DAB1: variants seen among roughly 807,000 people sequenced by gnomAD.
DAB1 encodes the protein disabled homolog 1.
DAB1 carries 15 observed loss-of-function variants against 64.6 expected under a neutral mutation model. The observed-to-expected ratio is 0.23, with a 90% CI of 0.16 to 0.36. The LOEUF (loss-of-function observed/expected upper bound fraction) is 0.36, where lower values mean the gene tolerates loss of function less well. DAB1 is among the 10% of genes least tolerant of loss of function. The probability of loss-of-function intolerance (pLI) is 1.00; values close to 1 mark genes in which losing one functional copy is unlikely to be tolerated. For missense variants in DAB1, 596 were observed against 706.7 expected (o/e 0.84, Z 1.78); for synonymous variants, 235 against 251.9 (o/e 0.93, Z 0.64).
intron 4 of DAB1, among the ~76,000 whole-genome samples, chr1:57,083,641 C>G (rs2100635264): frequency 1.3e-5 from 2 of 152,168 alleles, no homozygotes; most frequent in Admixed American, 1.3e-4. Flanking sequence ...CAGAAACTTA[C>G]AAAAAAGTGA....
intron 5 of DAB1, among the ~76,000 whole-genome samples, chr1:58,072,736 C>T (rs908627756): frequency 2.0e-5 from 3 of 152,210 alleles, no homozygotes; most frequent in Non-Finnish European, 4.4e-5. Flanking sequence ...GCAGCTTAAG[C>T]GATCAATTTA....
At chr1:57,100,897 TA>T (rs1437619300) in intron 4 of DAB1, among the ~76,000 whole-genome samples, 3 of 152,128 alleles carry the variant, frequency 2.0e-5, no homozygotes, top group African/African-American at 7.2e-5. Context: ...TCATGAATAA[TA>T]ATAATATTAA....
intron 2 of DAB1, among the ~76,000 whole-genome samples, chr1:57,231,165 C>T (rs1489993712): frequency 6.6e-6 from 1 of 152,036 alleles, no homozygotes; most frequent in East Asian, 1.9e-4. Flanking sequence ...ATTATAAAAG[C>T]GAAGCCCACA....
At chr1:58,195,220 A>G (rs1480293157) in intron 4 of DAB1, among the ~76,000 whole-genome samples, 1 of 152,212 alleles carries the variant, frequency 6.6e-6, no homozygotes, top group East Asian at 1.9e-4. Flanking sequence ...TGTTCCAAGT[A>G]AGATGGCTGC....
At chr1:57,195,324 A>G (rs1465205251) in intron 2 of DAB1, among the ~76,000 whole-genome samples, 1 of 152,208 alleles carries the variant, frequency 6.6e-6, no homozygotes, top group Non-Finnish European at 1.5e-5. Context: ...GTTCAATACT[A>G]AAGAGGACAT....
At chr1:57,520,339 A>G (rs1466394579) in intron 7 of DAB1, among the ~76,000 whole-genome samples, 3 of 152,170 alleles carry the variant, frequency 2.0e-5, no homozygotes, top group Admixed American at 6.5e-5. Flanking sequence ...ACCAGTTTCT[A>G]TTCTGATATG....
At chr1:57,598,172 C>T (rs189527320) in intron 7 of DAB1, among the ~76,000 whole-genome samples, 5 of 152,206 alleles carry the variant, frequency 3.3e-5, no homozygotes, top group African/African-American at 7.2e-5. Context: ...TTAGTAAAGA[C>T]GAGGTTTCAC....
chr1:58,261,091 T>C (rs1388484815), intron 4 of DAB1, among the ~76,000 whole-genome samples: 2 of 152,214 alleles, frequency 1.3e-5, no homozygotes, highest in Admixed American at 1.3e-4. Flanking sequence ...GGTAGATATT[T>C]GTGGGTATTT....
At chr1:57,931,213 G>A (rs113403464) in intron 5 of DAB1, among the ~76,000 whole-genome samples, 30 of 152,216 alleles carry the variant, frequency 2.0e-4, no homozygotes, top group African/African-American at 6.7e-4. Flanking sequence ...ACTTGATTGC[G>A]GTGTGTGATT....
chr1:58,257,385 C>G (rs935397604), intron 4 of DAB1, among the ~76,000 whole-genome samples: 4 of 152,204 alleles, frequency 2.6e-5, no homozygotes, highest in East Asian at 1.9e-4. Flanking sequence ...AAAATCCAGC[C>G]TGCTCTCCAA....
At chr1:58,515,987 T>A (rs1463508873) in intron 2 of DAB1, among the ~76,000 whole-genome samples, 1 of 152,206 alleles carries the variant, frequency 6.6e-6, no homozygotes, top group Non-Finnish European at 1.5e-5. Context: ...CCTAATGCCC[T>A]CACTAGATGG....
rs577870976 is a variant in DAB1 at position 58,402,340 on chromosome 1, G to T, written n.258-58937C>A. Among the ~76,000 whole-genome samples the T allele has an allele frequency of 1.1e-4, 16 of 152,210 alleles. No individual in the cohort carries two copies. The South Asian group carries it at 3.3e-3, about 32-fold the overall frequency. On this transcript the variant is annotated intron_variant and non_coding_transcript_variant, in intron 3 of 20. Transcript: ENST00000485760. ...CCCCTCTCCCAACACCCCCTTACCC[G>T]CAAGAAACGTGTAACTAGCAGGGTA...
chr1:57,636,417 A>G (rs1008580449), intron 7 of DAB1, among the ~76,000 whole-genome samples: 2 of 152,218 alleles, frequency 1.3e-5, no homozygotes, highest in Non-Finnish European at 2.9e-5. Flanking sequence ...ATGGGTTGTC[A>G]TTAGAGGGCT....
At chr1:57,310,736 A>G (rs2656094) in intron 1 of DAB1, among the ~76,000 whole-genome samples, 61,520 of 152,128 alleles carry the variant, frequency 0.4, 12,870 homozygotes, top group Admixed American at 0.55. Context: ...TCAAAATGCT[A>G]CTGTCATTTC....
intron 1 of DAB1, among the ~76,000 whole-genome samples, chr1:57,370,903 T>C (rs1680443387): frequency 2.0e-5 from 3 of 152,202 alleles, no homozygotes; most frequent in South Asian, 2.1e-4. Context: ...TTCAAATACT[T>C]TTCAATAACA....
chr1:58,484,369 G>C (rs933786379), intron 3 of DAB1, among the ~76,000 whole-genome samples: 1 of 152,194 alleles, frequency 6.6e-6, no homozygotes, highest in Non-Finnish European at 1.5e-5. Flanking sequence ...AGCACAGGTA[G>C]ATTATACTTT....
chr1:57,876,558 C>T (rs1644050412), intron 1 of DAB1: 1 of 152,182 alleles, frequency 6.6e-6, no homozygotes, highest in South Asian at 2.1e-4. Context: ...GTCACAGCGT[C>T]TCGGGCTGCA....
At chr1:57,265,589 C>T (rs555056602) in intron 2 of DAB1, among the ~76,000 whole-genome samples, 4 of 152,258 alleles carry the variant, frequency 2.6e-5, no homozygotes, top group Admixed American at 6.5e-5. Flanking sequence ...GCAGCTCAAA[C>T]GGATGCCGTC....
intron 3 of DAB1, chr1:58,474,015 C>A: frequency 9.4e-7 from 1 of 1,065,442 alleles, no homozygotes; most frequent in South Asian, 1.3e-5. Context: ...CTTTGATTTC[C>A]GAGTCAAACT....
Sources: gnomAD v4.1 joint callset for allele counts (sites outside exome capture counted in the v4.1 genomes callset) on GRCh38, gnomAD v4.1.1 for gene constraint, MANE v1.5 for transcripts, NCBI Gene and HGNC (gene_info 2026-07-23, HGNC 2026-07-21) for gene names.